Variants in TNPO1 observed in about 807,000 individuals in gnomAD.
TNPO1 encodes transportin 1.
A neutral mutation model predicts 119.5 loss-of-function variants in TNPO1; 8 were observed. The ratio of observed to expected loss-of-function variants is 0.07; its 90% CI spans 0.04 to 0.12. The LOEUF is 0.12. TNPO1 is among the 10% of genes least tolerant of loss of function. The pLI is 1.00. For missense variants in TNPO1, 576 were observed against 1,089.8 expected (o/e 0.53, Z 6.64); for synonymous variants, 362 against 363.0 (o/e 1.00, Z 0.03).
At chr5:72,906,283 T>C (rs1205731792) in intron 24 of TNPO1, among the ~76,000 whole-genome samples, 32 of 61,956 alleles carry the variant, frequency 5.2e-4, no homozygotes, top group African/African-American at 1.7e-3. Context: ...TTCTTTTTTT[T>C]TTTTTTTTTT....
At chr5:72,893,910 T>A (rs1243248709) in intron 18 of TNPO1, among the ~76,000 whole-genome samples, 2 of 152,192 alleles carry the variant, frequency 1.3e-5, no homozygotes, top group African/African-American at 4.8e-5. Context: ...CATCTCAGCT[T>A]TTTAGGTACT....
rs1748785871 is a variant in TNPO1, at chr5:72,888,090, G to A, written c.1316G>A (p.Gly439Asp). The A allele has an allele frequency of 6.2e-7, 1 of 1,613,652 alleles. No individual in the cohort carries two copies. Among genetic ancestry groups the A allele is most frequent in the African/African-American group, 1.3e-5 (1 of 74,880 alleles). The change falls in exon 13 of 25, where the codon GGC (glycine) becomes GAC (aspartate). Residue 439 changes from glycine (G) to aspartate (D), a missense_variant. Physicochemically the swap from Gly to Asp is moderately conservative, Grantham distance 94 (BLOSUM62 -1). Around this residue, in one of 6 missense-constraint regions of TNPO1, gnomAD observed 310 missense variants for 583.0 expected, o/e 0.53. Transcript: ENST00000337273. Reference sequence around the variant, plus strand: ...ATTTTTTTTCTAGGTTGCATGCAGGGCATGATTCCATACTTGCCTGAGCTT... The same window carrying A: ...ATTTTTTTTCTAGGTTGCATGCAGGACATGATTCCATACTTGCCTGAGCTT... ...LGAIAEGCMQ[G>D]MIPYLPELIP...
chr5:72,821,348 A>C (rs1288330947), intron 1 of TNPO1, among the ~76,000 whole-genome samples: 1 of 152,206 alleles, frequency 6.6e-6, no homozygotes, highest in African/African-American at 2.4e-5. Context: ...TTTTGTTTTT[A>C]CTAAGAAAGG....
intron 14 of TNPO1, among the ~76,000 whole-genome samples, chr5:72,890,194 C>CT (rs1748943614): frequency 6.6e-6 from 1 of 152,138 alleles, no homozygotes; most frequent in Non-Finnish European, 1.5e-5. Flanking sequence ...TGCTCTGATA[C>CT]TTTTTAGAAT....
In TNPO1 at chr5:72,896,520, G is replaced by A; in HGVS notation, c.2206G>A (p.Ala736Thr). The A allele has an allele frequency of 6.2e-7, 1 of 1,611,784 alleles. No homozygotes were observed. Among genetic ancestry groups the A allele is most frequent in the Non-Finnish European group, 8.5e-7 (1 of 1,179,678 alleles). ...AGAATTCATTTCAGTCTGCAACAAT[G>A]CCACATGGGCAATTGGAGAAATCTC... ...NPEFISVCNNATWAIGEISIQ... is the reference protein window; with the variant it reads ...NPEFISVCNNTTWAIGEISIQ... Residue 736 changes from alanine (A) to threonine (T), a missense_variant, in exon 19 of 25, where the codon GCC becomes ACC. Around this residue, in one of 6 missense-constraint regions of TNPO1, gnomAD observed 162 missense variants for 294.1 expected, o/e 0.55. Transcript: ENST00000337273.
chr5:72,911,253 A>C lies in TNPO1; in HGVS notation c.*2580A>C, dbSNP rs1180120616. The C allele has an allele frequency of 2.0e-5, 3 of 152,140 alleles. No homozygotes were observed. Among genetic ancestry groups the C allele is most frequent in the Non-Finnish European group, 4.4e-5 (3 of 67,962 alleles). The allele number at this position is 152,140 out of a possible 1,614,324, so 9.4% of individuals were successfully genotyped here. ...CAATATTGTCACCTGTCTCATTAAA[A>C]ATTAGTTTCCAGTTAGGCAGATGAA... On this transcript the variant is annotated 3_prime_UTR_variant, in exon 25 of 25. Coordinates refer to ENST00000337273, the MANE Select transcript of TNPO1 (RefSeq NM_002270.4).
At chr5:72,824,870 C>T (rs1277948396) in intron 1 of TNPO1, among the ~76,000 whole-genome samples, 2 of 152,110 alleles carry the variant, frequency 1.3e-5, no homozygotes, top group African/African-American at 4.8e-5. Flanking sequence ...TAATAATAGA[C>T]ATCAAAGTCA....
chr5:72,869,160 ACTC>A (rs1747180606), intron 6 of TNPO1, among the ~76,000 whole-genome samples: 2 of 152,090 alleles, frequency 1.3e-5, no homozygotes, highest in South Asian at 4.1e-4. Flanking sequence ...GGGTAACGTT[ACTC>A]CTATTTATAA....
At position 72,907,492 on chromosome 5, in the gene TNPO1, C is replaced by T. The variant is rs114596554; in HGVS notation, c.*36-1217C>T. Among the ~76,000 whole-genome samples the T allele has an allele frequency of 6.0e-3, 909 of 152,248 alleles. 6 individuals are homozygous for T. The highest frequency in any genetic ancestry group is 0.021 in the African/African-American group (889 of 41,522). On this transcript the variant is annotated intron_variant, in intron 24 of 24. Transcript: ENST00000337273. ...TTTCTACACAGATGGATTAACTGCC[C>T]TCTGTGAATTCACATGAACGTTCAT...
intron 1 of TNPO1, among the ~76,000 whole-genome samples, chr5:72,824,746 C>T (rs1035424718): frequency 1.3e-5 from 2 of 152,156 alleles, no homozygotes. Context: ...CATTTAGTCT[C>T]ATGGCTTGAA....
At chr5:72,853,501 A>G (rs532400570) in intron 3 of TNPO1, among the ~76,000 whole-genome samples, 50 of 152,240 alleles carry the variant, frequency 3.3e-4, no homozygotes, top group South Asian at 1.2e-3. Flanking sequence ...CATTGCTTCC[A>G]CAAAGACATT....
At chr5:72,863,608 A>G (rs1468313321) in intron 5 of TNPO1, among the ~76,000 whole-genome samples, 3 of 152,116 alleles carry the variant, frequency 2.0e-5, no homozygotes, top group Admixed American at 6.5e-5. Context: ...CTGAAATACA[A>G]AAATTAGCCA....
rs1750579403 is a variant in TNPO1, at chr5:72,911,764, A to G, written c.*3091A>G. The G allele has an allele frequency of 1.3e-5, 2 of 152,566 alleles. No homozygotes were observed. The highest frequency in any genetic ancestry group is 6.5e-5 in the Admixed American group (1 of 15,270). The allele number at this position is 152,566 out of a possible 1,614,324, so 9.5% of individuals were successfully genotyped here. A position where few individuals can be genotyped will look rare whatever the true frequency, so the allele number is the denominator to read the frequency against. On this transcript the variant is annotated 3_prime_UTR_variant, in exon 25 of 25. Coordinates refer to ENST00000337273, the MANE Select transcript of TNPO1 (RefSeq NM_002270.4). ...CTCAACTACAGAAATAGCCGCTGCT[A>G]AGTGATGTAGATTTTCTACTTGAAT...
chr5:72,873,459 G>T (rs1747552767), intron 7 of TNPO1, among the ~76,000 whole-genome samples: 1 of 151,996 alleles, frequency 6.6e-6, no homozygotes, highest in African/African-American at 2.4e-5. Context: ...CACTTAAATT[G>T]ACCAGCTTCT....
chr5:72,874,766 G>A (rs141559278), intron 7 of TNPO1, among the ~76,000 whole-genome samples: 2 of 152,304 alleles, frequency 1.3e-5, no homozygotes, highest in East Asian at 3.9e-4. Context: ...CCTGGAAAAA[G>A]ACAGTGGGAC....
chr5:72,896,490 A>C lies in TNPO1; in HGVS notation c.2176A>C (p.Asn726His), dbSNP rs1274698730. ...CATGCCAATATTGGGAACCAACCTAAATCCAGAATTCATTTCAGTCTGCAA... is the reference window on the plus strand; with the variant it reads ...CATGCCAATATTGGGAACCAACCTACATCCAGAATTCATTTCAGTCTGCAA... ...DFMPILGTNL[N>H]PEFISVCNNA... is the part of the protein sequence containing the mutation. Residue 726 changes from asparagine to histidine, a missense_variant, in exon 19 of 25, where the codon AAT becomes CAT. Asn to His is a moderately conservative substitution (Grantham distance 68). Transcript: ENST00000337273. 1.2e-6 allele frequency: 2 copies of C among 1,612,062 alleles called. No individual in the cohort carries two copies. The highest frequency in any genetic ancestry group is 1.7e-6 in the Non-Finnish European group (2 of 1,179,704).
In TNPO1 at chr5:72,873,393, T is replaced by G. The variant is rs189541847; in HGVS notation, c.678+673T>G. Among the ~76,000 whole-genome samples, 19 of 152,270 alleles carry G rather than the reference T, an allele frequency of 1.2e-4. No individual in the cohort carries two copies. The South Asian group carries it at 2.5e-3, about 20-fold the overall frequency. ...CCCTTAGAAGTCAGACTGCTGATAC[T>G]ACTGTTGGGAAATTATAAGGAAGAG... On this transcript the variant is annotated intron_variant, in intron 7 of 24. Transcript: ENST00000337273.
intron 1 of TNPO1, among the ~76,000 whole-genome samples, chr5:72,817,557 A>G (rs1296427048): frequency 6.6e-6 from 1 of 152,186 alleles, no homozygotes; most frequent in African/African-American, 2.4e-5. Flanking sequence ...TTAATCGCTA[A>G]TCAGGATGGT....
chr5:72,817,693 A>G (rs1743762339), intron 1 of TNPO1, among the ~76,000 whole-genome samples: 1 of 152,222 alleles, frequency 6.6e-6, no homozygotes, highest in Non-Finnish European at 1.5e-5. Flanking sequence ...TGAATGTGTA[A>G]GTGGTACTTT....
Sources: gnomAD v4.1 joint callset for allele counts (sites outside exome capture counted in the v4.1 genomes callset) on GRCh38, gnomAD v4.1.1 for gene constraint, gnomAD v4.1.1 regional missense constraint, MANE v1.5 for transcripts, NCBI Gene and HGNC (gene_info 2026-07-23, HGNC 2026-07-21) for gene names.